VHL: variants seen among roughly 807,000 people sequenced by gnomAD.
The protein encoded by VHL is von Hippel-Lindau disease tumor suppressor.
Under a neutral mutation model 19.2 loss-of-function variants are expected in VHL, and 10 were observed. The ratio of observed to expected loss-of-function variants is 0.52; its 90% CI spans 0.32 to 0.89. VHL has a LOEUF of 0.89. Among genes scored for constraint, VHL ranks in the 40% least tolerant of loss-of-function variants. The pLI, the probability that VHL is intolerant of heterozygous loss-of-function variation, is 0.03. For missense variants in VHL, 328 were observed against 292.7 expected, an observed-to-expected ratio of 1.12 and a Z score of -0.88; for synonymous variants, 167 against 129.5, an observed-to-expected ratio of 1.29 and a Z score of -1.97.
In VHL at chr3:10,141,892, G is replaced by T. The variant is rs563813895; in HGVS notation, c.45G>T (p.Ala15=). The change falls in exon 1 of 3, where the codon GCG becomes GCT. Residue 15 remains alanine, a synonymous_variant. Coordinates refer to ENST00000256474, the MANE Select transcript of VHL (RefSeq NM_000551.4). ...AENWDEAEVG[A]EEAGVEEYGP... ...ACTGGGACGAGGCCGAGGTAGGCGC[G>T]GAGGAGGCAGGCGTCGAAGAGTACG... 1.3e-6 allele frequency: 2 copies of T among 1,532,430 alleles called. No individual in the cohort carries two copies. The highest frequency in any genetic ancestry group is 2.4e-5 in the South Asian group (2 of 82,244). 94.9% of individuals were successfully genotyped at this position (1,532,430 alleles called of 1,614,324 possible). A position where few individuals can be genotyped will look rare whatever the true frequency, so the allele number is the denominator to read the frequency against.
At chr3:10,149,424 C>T (rs900833257) in intron 2 of VHL, among the ~76,000 whole-genome samples, 1 of 152,150 alleles carries the variant, frequency 6.6e-6, no homozygotes, top group Non-Finnish European at 1.5e-5. Flanking sequence ...GGGCCTGTTC[C>T]TCTTTATGTG....
rs140172229 is a variant in VHL at position 10,146,809 on chromosome 3, AT to A, written c.463+174del. On this transcript the variant is annotated intron_variant, in intron 2 of 2. Transcript: ENST00000256474. ...AATGGAAGTGATGTATTTGTACGTT[AT>A]GTGTTAAAGGTGTTATGGTGTCTCA... Among the ~76,000 whole-genome samples, 11,000 of 152,138 alleles carry A rather than the reference AT, an allele frequency of 0.072. 978 individuals are homozygous for A. The highest frequency in any genetic ancestry group is 0.21 in the African/African-American group (8,678 of 41,444).
At chr3:10,147,127 T>G (rs2125128931) in intron 2 of VHL, among the ~76,000 whole-genome samples, 1 of 152,080 alleles carries the variant, frequency 6.6e-6, no homozygotes, top group African/African-American at 2.4e-5. Flanking sequence ...TTCTCTTGTC[T>G]CAGCCTCCCG....
At chr3:10,146,235 G>A (rs543201951) in intron 1 of VHL, among the ~76,000 whole-genome samples, 32 of 150,086 alleles carry the variant, frequency 2.1e-4, no homozygotes, top group Middle Eastern at 3.4e-3. Context: ...GTGCAGTGGC[G>A]CGATCTCGGC....
chr3:10,149,305 G>C (rs1278071487), intron 2 of VHL, among the ~76,000 whole-genome samples: 5 of 151,538 alleles, frequency 3.3e-5, no homozygotes, highest in African/African-American at 1.2e-4. Flanking sequence ...GTAGAGACGG[G>C]GTTTCGCCAT....
chr3:10,150,366 G>A lies in VHL; in HGVS notation c.*401G>A, dbSNP rs897107843. The A allele has an allele frequency of 2.0e-5, 25 of 1,221,778 alleles. No homozygotes were observed. Among genetic ancestry groups the A allele is most frequent in the Non-Finnish European group, 2.5e-5 (24 of 969,846 alleles). The allele number at this position is 1,221,778 out of a possible 1,614,324, so 75.7% of individuals were successfully genotyped here. ...CATCCATTCTACATCCGTAGCGGTT[G>A]GTGACTTGTCTGCCTCCTGCTTTGG... On this transcript the variant is annotated 3_prime_UTR_variant, in exon 3 of 3. Transcript: ENST00000256474.
At chr3:10,148,547 C>G (rs1696321867) in intron 2 of VHL, among the ~76,000 whole-genome samples, 1 of 151,630 alleles carries the variant, frequency 6.6e-6, no homozygotes, top group African/African-American at 2.4e-5. Context: ...ATCTCCTGAC[C>G]TCGTGATCCG....
At position 10,150,035 on chromosome 3, in the gene VHL, C is replaced by T. The variant is rs552290225; in HGVS notation, c.*70C>T. ...GTACTGATGAGTCTTGATCTAGATACAGGACTGGTTCCTTCCTTAGTTTCA... is the reference window on the plus strand; with the variant it reads ...GTACTGATGAGTCTTGATCTAGATATAGGACTGGTTCCTTCCTTAGTTTCA... On this transcript the variant is annotated 3_prime_UTR_variant, in exon 3 of 3. Coordinates refer to ENST00000256474, the MANE Select transcript of VHL (RefSeq NM_000551.4). 163 of 1,567,806 alleles carry T rather than the reference C, an allele frequency of 1.0e-4. 1 individual carries two copies. In the East Asian group the frequency reaches 3.7e-3, roughly 35 times the overall value.
At chr3:10,147,659 C>G (rs1487115015) in intron 2 of VHL, among the ~76,000 whole-genome samples, 1 of 151,758 alleles carries the variant, frequency 6.6e-6, no homozygotes, top group African/African-American at 2.4e-5. Flanking sequence ...GCCACTGCGT[C>G]CAGCCTGTTT....
Position 10,141,982 on chromosome 3 carries a change from G to C in VHL, c.135G>C (p.Pro45=), listed in dbSNP as rs773519476. The C allele has an allele frequency of 1.3e-6, 2 of 1,567,378 alleles. No individual in the cohort carries two copies. The highest frequency in any genetic ancestry group is 1.2e-5 in the South Asian group (1 of 85,756). ...AEESGPEESG[P]EELGAEEEME... ...AGTCCGGCCCGGAAGAGTCCGGCCC[G>C]GAGGAACTGGGCGCCGAGGAGGAGA... Residue 45 remains proline, a synonymous_variant, in exon 1 of 3, where the codon CCG becomes CCC. Transcript: ENST00000256474.
chr3:10,149,833 C>A lies in VHL; in HGVS notation c.510C>A (p.Val170=), dbSNP rs765224880. The part of the protein sequence containing the change: ...ERCLQVVRSL[V]KPENYRRLDI... Reference sequence around the variant, plus strand: ...GCCTCCAGGTTGTCCGGAGCCTAGTCAAGCCTGAGAATTACAGGAGACTGG... The same window carrying A: ...GCCTCCAGGTTGTCCGGAGCCTAGTAAAGCCTGAGAATTACAGGAGACTGG... The change falls in exon 3 of 3, where the codon GTC becomes GTA. Residue 170 remains valine (V), a synonymous_variant. Transcript: ENST00000256474. 2.5e-6 allele frequency: 4 copies of A among 1,614,032 alleles called. No individual in the cohort carries two copies. Among genetic ancestry groups the A allele is most frequent in the African/African-American group, 2.7e-5 (2 of 74,916 alleles).
chr3:10,145,810 A>G (rs993490204), intron 1 of VHL, among the ~76,000 whole-genome samples: 12 of 152,010 alleles, frequency 7.9e-5, no homozygotes, highest in African/African-American at 2.9e-4. Flanking sequence ...ATGTTTTTGC[A>G]CTTCCTTGTT....
At chr3:10,145,356 G>C (rs998245284) in intron 1 of VHL, among the ~76,000 whole-genome samples, 118 of 152,238 alleles carry the variant, frequency 7.8e-4, no homozygotes, top group African/African-American at 2.8e-3. Context: ...TCCTTAAACA[G>C]AATCTTAGGG....
At position 10,151,295 on chromosome 3, in the gene VHL, A is replaced by G. The variant is rs886057718; in HGVS notation, c.*1330A>G. 1 of 211,610 alleles carries G rather than the reference A, an allele frequency of 4.7e-6. No individual in the cohort carries two copies. Among genetic ancestry groups the G allele is most frequent in the Non-Finnish European group, 9.6e-6 (1 of 104,388 alleles). The allele number at this position is 211,610 out of a possible 1,614,324, so 13.1% of individuals were successfully genotyped here. On this transcript the variant is annotated 3_prime_UTR_variant, in exon 3 of 3. Coordinates refer to ENST00000256474, the MANE Select transcript of VHL (RefSeq NM_000551.4). Reference sequence around the variant, plus strand: ...TGTTTCATAGTTTTCTAAATGTACAAATTCTTATAGGCTAGACTTAGATTC... The same window carrying G: ...TGTTTCATAGTTTTCTAAATGTACAGATTCTTATAGGCTAGACTTAGATTC...
intron 1 of VHL, 135 bp downstream of exon 1, chr3:10,142,322 T>G: frequency 2.5e-6 from 2 of 799,266 alleles, no homozygotes; most frequent in Non-Finnish European, 3.9e-6. Flanking sequence ...GTGACGCTGC[T>G]CGTAAGCGTC....
Position 10,150,111 on chromosome 3 carries a change from A to G in VHL, c.*146A>G. On this transcript the variant is annotated 3_prime_UTR_variant, in exon 3 of 3. Transcript: ENST00000256474. ...AGGCACCATTGCTTAAAAGAAAGTTAACTGACTTCACTAGGCATTGTGATG... is the reference window on the plus strand; with the variant it reads ...AGGCACCATTGCTTAAAAGAAAGTTGACTGACTTCACTAGGCATTGTGATG... The G allele has an allele frequency of 6.6e-7, 1 of 1,522,872 alleles. No homozygotes were observed. Among genetic ancestry groups the G allele is most frequent in the Admixed American group, 2.0e-5 (1 of 50,030 alleles). 94.3% of individuals were successfully genotyped at this position (1,522,872 alleles called of 1,614,324 possible).
At position 10,146,892 on chromosome 3, in the gene VHL, G is replaced by T. The variant is rs143659897; in HGVS notation, c.463+256G>T. 2.8e-3 allele frequency among the ~76,000 whole-genome samples: 431 copies of T among 152,280 alleles called. 1 individual carries two copies. Among genetic ancestry groups the T allele is most frequent in the African/African-American group, 9.9e-3 (411 of 41,566 alleles). ...AATTAAAGTATCATATCATAGGTTA[G>T]TTTTGTAGAATTGTAGAATTACGAA... On this transcript the variant is annotated intron_variant, in intron 2 of 2. Transcript: ENST00000256474.
chr3:10,147,086 A>G (rs1286504021), intron 2 of VHL, among the ~76,000 whole-genome samples: 1 of 152,078 alleles, frequency 6.6e-6, no homozygotes, highest in Non-Finnish European at 1.5e-5. Flanking sequence ...ATCTCGGCTC[A>G]CTGCAACCTC....
In VHL at chr3:10,141,868, C is replaced by G. The variant is rs1060503561; in HGVS notation, c.21C>G (p.Asn7Lys). 6.5e-7 allele frequency: 1 copy of G among 1,535,246 alleles called. No individual in the cohort carries two copies. Among genetic ancestry groups the G allele is most frequent in the South Asian group, 1.2e-5 (1 of 82,586 alleles). Residue 7 changes from asparagine (N) to lysine (K), a missense_variant, in exon 1 of 3, where the codon AAC becomes AAG. Physicochemically the swap from Asn to Lys is moderately conservative, Grantham distance 94. Transcript: ENST00000256474. Reference sequence around the variant, plus strand: ...AGGGAATGCCCCGGAGGGCGGAGAACTGGGACGAGGCCGAGGTAGGCGCGG... The same window carrying G: ...AGGGAATGCCCCGGAGGGCGGAGAAGTGGGACGAGGCCGAGGTAGGCGCGG... MPRRAE[N>K]WDEAEVGAEE...
Sources: allele counts gnomAD v4.1 joint callset (sites outside exome capture counted in the v4.1 genomes callset), GRCh38; gene constraint gnomAD v4.1.1; transcripts MANE v1.5; gene names NCBI Gene and HGNC (gene_info 2026-07-23, HGNC 2026-07-21).